COL4A3: variants seen among roughly 807,000 people sequenced by gnomAD.
COL4A3 encodes the protein collagen type IV alpha 3 chain.
COL4A3 carries 135 observed loss-of-function variants against 217.4 expected under a neutral mutation model. That is an observed-to-expected ratio of 0.62 (90% CI 0.54 to 0.72). COL4A3 has a LOEUF of 0.72. Among genes scored for constraint, COL4A3 ranks in the 30% least tolerant of loss-of-function variants. COL4A3 has a pLI of 0.00. For synonymous variants in COL4A3, 690 were observed against 736.3 expected (o/e 0.94, Z 1.02); for missense variants, 1,868 against 2,119.9 (o/e 0.88, Z 2.33).
chr2:227,170,934 T>C (rs2065453798), intron 1 of COL4A3, among the ~76,000 whole-genome samples: 1 of 152,230 alleles, frequency 6.6e-6, no homozygotes. Context: ...TCAGTCACGG[T>C]AGCAAATTAA....
At chr2:227,273,739 C>T (rs1055934016) in intron 26 of COL4A3, among the ~76,000 whole-genome samples, 1 of 152,086 alleles carries the variant, frequency 6.6e-6, no homozygotes, top group Admixed American at 6.6e-5. Context: ...ATCCATAACT[C>T]CATAGGCAGG....
intron 28 of COL4A3, 101 bp from the exon 29 acceptor site, chr2:227,279,692 C>T: frequency 1.2e-6 from 1 of 802,026 alleles, no homozygotes; most frequent in Non-Finnish European, 2.0e-6. Flanking sequence ...TTTAAATTTT[C>T]ATAAAAGCAT....
chr2:227,210,976 A>C (rs2067297180), intron 1 of COL4A3, among the ~76,000 whole-genome samples: 1 of 151,840 alleles, frequency 6.6e-6, no homozygotes, highest in African/African-American at 2.4e-5. Flanking sequence ...TTAGTTATAA[A>C]GCTGTAGTTT....
chr2:227,184,891 CTTTTTTTTTTTTTTTTT>C (rs34345055), intron 1 of COL4A3, among the ~76,000 whole-genome samples: 1 of 62,570 alleles, frequency 1.6e-5, no homozygotes, highest in Non-Finnish European at 2.9e-5. Flanking sequence ...CCTCACTGGC[CTTTTTTTTTTTTTTTTT>C]TTTTTTTTTT....
chr2:227,187,789 T>C (rs2066084802), intron 1 of COL4A3, among the ~76,000 whole-genome samples: 1 of 152,210 alleles, frequency 6.6e-6, no homozygotes, highest in Non-Finnish European at 1.5e-5. Flanking sequence ...TATTCATTCA[T>C]GTCTTCTCCT....
At chr2:227,268,893 C>G (rs2125987057) in intron 23 of COL4A3, 1 of 152,290 alleles carries the variant, frequency 6.6e-6, no homozygotes, top group South Asian at 2.1e-4. Flanking sequence ...TCAAGGGGAG[C>G]AGGTGAGCAG....
At chr2:227,248,989 G>C (rs1051947028) in intron 9 of COL4A3, among the ~76,000 whole-genome samples, 11 of 151,126 alleles carry the variant, frequency 7.3e-5, no homozygotes, top group African/African-American at 2.7e-4. Context: ...AGATAATAAA[G>C]AAAAGAAAGG....
chr2:227,219,418 C>T (rs964941784), intron 1 of COL4A3, among the ~76,000 whole-genome samples: 10 of 152,268 alleles, frequency 6.6e-5, no homozygotes, highest in South Asian at 4.2e-4. Context: ...ACTGTGCCAG[C>T]GGGGTGGGTT....
intron 24 of COL4A3, 51 bp from the exon 25 acceptor site, chr2:227,270,719 A>G: frequency 2.5e-6 from 4 of 1,578,362 alleles, no homozygotes; most frequent in Non-Finnish European, 3.5e-6. Context: ...AGATTGACAG[A>G]AGAAGAATTC....
rs1559905418 is a variant in COL4A3 at position 227,290,028 on chromosome 2, A to G, written c.3010A>G (p.Asn1004Asp). Residue 1004 changes from asparagine (N) to aspartate (D), a missense_variant, in exon 36 of 52, where the codon AAT (asparagine) becomes GAT (aspartate). This residue lies in a region of COL4A3 where 1,503 missense variants were observed against 1,786.1 expected (regional missense o/e 0.84). Transcript: ENST00000396578. ...GPRGDLGSTG[N>D]PGEPGLRGIP... ...CAGAGGAGATTTGGGCAGCACTGGGAATCCTGGAGAACCAGGACTGCGTGG... is the reference window on the plus strand; with the variant it reads ...CAGAGGAGATTTGGGCAGCACTGGGGATCCTGGAGAACCAGGACTGCGTGG... The G allele has an allele frequency of 3.1e-6, 5 of 1,614,186 alleles. No individual in the cohort carries two copies. Among genetic ancestry groups the G allele is most frequent in the African/African-American group, 1.3e-5 (1 of 75,048 alleles).
At chr2:227,204,513 C>T (rs571479763) in intron 1 of COL4A3, among the ~76,000 whole-genome samples, 6 of 152,286 alleles carry the variant, frequency 3.9e-5, no homozygotes, top group Admixed American at 1.3e-4. Context: ...CCACCATATA[C>T]GAAGGGACCC....
In COL4A3 at chr2:227,310,654, C is replaced by T; in HGVS notation, c.4756-122C>T. On this transcript the variant is annotated intron_variant, in intron 50 of 51. Transcript: ENST00000396578. ...GTTATTTCTAATCTGTAGCATCGCT[C>T]ATGATCATTCCTCCCCTTTCTTTAC... 3 of 815,368 alleles carry T rather than the reference C, an allele frequency of 3.7e-6. No individual in the cohort carries two copies. In the South Asian group the frequency reaches 4.4e-5, roughly 12 times the overall value. 50.5% of individuals were successfully genotyped at this position (815,368 alleles called of 1,614,324 possible).
At chr2:227,259,005 GTT>G (rs35075518) in intron 18 of COL4A3, among the ~76,000 whole-genome samples, 5 of 142,840 alleles carry the variant, frequency 3.5e-5, no homozygotes, top group East Asian at 2.0e-4. Context: ...AAGCAAAGAG[GTT>G]TTTTTTTTTT....
At chr2:227,264,639 A>C (rs1268063017) in intron 21 of COL4A3, 1 of 152,428 alleles carries the variant, frequency 6.6e-6, no homozygotes, top group Non-Finnish European at 1.5e-5. Context: ...CCTCACAAAC[A>C]TATAGATCAC....
In COL4A3 at chr2:227,253,668, TG is replaced by T. The variant is rs764672371; in HGVS notation, c.765+31del. 4 of 1,569,102 alleles carry T rather than the reference TG, an allele frequency of 2.5e-6. No homozygotes were observed. The South Asian group carries it at 3.3e-5, about 13-fold the overall frequency. Reference sequence around the variant, plus strand: ...CTCTGCGATTTTATGATTAGTGTTGTGCCTTCCCGTGTCTAGGATGAAGTCC... The same window carrying T: ...CTCTGCGATTTTATGATTAGTGTTGTCCTTCCCGTGTCTAGGATGAAGTCC... On this transcript the variant is annotated intron_variant, in intron 13 of 51. Transcript: ENST00000396578. The surrounding 1 kb of genome is among the most constrained non-coding windows in gnomAD (Gnocchi z 4.4).
intron 1 of COL4A3, among the ~76,000 whole-genome samples, chr2:227,201,391 G>T (rs531789787): frequency 2.0e-5 from 3 of 152,168 alleles, no homozygotes; most frequent in African/African-American, 4.8e-5. Context: ...AACACATGTT[G>T]GGTAGAAAAG....
chr2:227,258,133 A>T (rs1475827142), intron 18 of COL4A3, among the ~76,000 whole-genome samples: 1 of 152,192 alleles, frequency 6.6e-6, no homozygotes, highest in Non-Finnish European at 1.5e-5. Flanking sequence ...CACATTTTAT[A>T]TTCTGTGACT....
At chr2:227,224,491 C>T (rs747120275) in intron 1 of COL4A3, among the ~76,000 whole-genome samples, 3 of 152,184 alleles carry the variant, frequency 2.0e-5, no homozygotes, top group Non-Finnish European at 4.4e-5. Context: ...TAGCTCATGC[C>T]CGTAATCCCA....
intron 1 of COL4A3, among the ~76,000 whole-genome samples, chr2:227,170,892 T>C (rs1195146369): frequency 6.6e-6 from 1 of 152,258 alleles, no homozygotes; most frequent in African/African-American, 2.4e-5. Flanking sequence ...ATTTAGTCTG[T>C]ATCTATTTTA....
Sources: allele counts gnomAD v4.1 joint callset (sites outside exome capture counted in the v4.1 genomes callset), GRCh38; gene constraint gnomAD v4.1.1; regional missense constraint gnomAD v4.1.1; non-coding constraint Gnocchi (gnomAD v3.1); transcripts MANE v1.5; gene names NCBI Gene and HGNC (gene_info 2026-07-23, HGNC 2026-07-21).